The following GAREM1 variants were observed in gnomAD, a reference collection of about 807,000 sequenced individuals.
GAREM1 encodes the protein GRB2-associated and regulator of MAPK protein 1.
A neutral mutation model predicts 71.3 loss-of-function variants in GAREM1; 26 were observed. The observed-to-expected ratio is 0.36, with a 90% CI of 0.27 to 0.51. GAREM1 has a LOEUF of 0.51. GAREM1 is among the 20% of genes least tolerant of loss of function. The probability of loss-of-function intolerance (pLI) is 0.95; values close to 1 mark genes in which losing one functional copy is unlikely to be tolerated. For synonymous variants in GAREM1, 440 were observed against 433.2 expected (o/e 1.02, Z -0.20); for missense variants, 1,026 against 1,103.1 (o/e 0.93, Z 0.99).
At chr18:32,364,621 A>T (rs2047910982) in intron 2 of GAREM1, among the ~76,000 whole-genome samples, 1 of 152,170 alleles carries the variant, frequency 6.6e-6, no homozygotes, top group African/African-American at 2.4e-5. Context: ...ATTAAATTAA[A>T]TTTTTAAAAA....
At position 32,331,910 on chromosome 18, in the gene GAREM1, C is replaced by T. The variant is rs957369472; in HGVS notation, c.263-21587G>A. Among the ~76,000 whole-genome samples the T allele has an allele frequency of 4.6e-5, 7 of 151,946 alleles. 1 individual carries two copies. The South Asian group carries it at 6.3e-4, about 14-fold the overall frequency. On this transcript the variant is annotated intron_variant, in intron 2 of 5. Coordinates refer to ENST00000269209, the MANE Select transcript of GAREM1 (RefSeq NM_001242409.2). ...CAGAGCCATGGGTGGGAAGGACGCA[C>T]GGCAGGGACAGACTGACAGGGCTGG... is the stretch of plus-strand genomic sequence containing the variant.
At chr18:32,445,679 G>A (rs2048779693) in intron 1 of GAREM1, among the ~76,000 whole-genome samples, 1 of 152,106 alleles carries the variant, frequency 6.6e-6, no homozygotes, top group African/African-American at 2.4e-5. Context: ...AGTTCTATGT[G>A]TAAATATGAT....
chr18:32,446,098 A>C (rs1225449757), intron 1 of GAREM1, among the ~76,000 whole-genome samples: 1 of 152,192 alleles, frequency 6.6e-6, no homozygotes, highest in Non-Finnish European at 1.5e-5. Context: ...TGTGCAGCAG[A>C]AATCTCTAAT....
intron 3 of GAREM1, among the ~76,000 whole-genome samples, chr18:32,293,773 G>A (rs562914284): frequency 1.3e-5 from 2 of 152,230 alleles, no homozygotes; most frequent in African/African-American, 4.8e-5. Flanking sequence ...ACCTTGACCA[G>A]GTTATCAAAT....
At chr18:32,463,631 G>A (rs2048972293) in intron 1 of GAREM1, among the ~76,000 whole-genome samples, 1 of 143,200 alleles carries the variant, frequency 7.0e-6, no homozygotes, top group African/African-American at 2.6e-5. Flanking sequence ...GTGCAGTGAT[G>A]TGATCTCAGC....
intron 1 of GAREM1, among the ~76,000 whole-genome samples, chr18:32,408,372 A>T (rs1411084376): frequency 6.6e-6 from 1 of 152,182 alleles, no homozygotes; most frequent in African/African-American, 2.4e-5. Context: ...TTTGATTCTA[A>T]GTTATTGATA....
Position 32,287,561 on chromosome 18 carries a change from C to T in GAREM1, c.1036G>A (p.Val346Met), listed in dbSNP as rs1260971634. The T allele has an allele frequency of 1.9e-6, 3 of 1,614,214 alleles. No individual in the cohort carries two copies. The highest frequency in any genetic ancestry group is 1.7e-5 in the Admixed American group (1 of 60,032). Residue 346 changes from valine to methionine, a missense_variant, in exon 4 of 6, where the codon GTG becomes ATG. Val to Met is a conservative substitution (Grantham distance 21). Transcript: ENST00000269209. The surrounding 1 kb of genome is among the most constrained non-coding windows in gnomAD (Gnocchi z 5.9). ...IDEYSRAVRD[V>M]KTDWNEECKS... is the part of the protein sequence containing the mutation. ...CATTCTTCATTCCAGTCGGTTTTCACATCACGGACAGCCCGTGAATACTCA... is the reference window on the plus strand; with the variant it reads ...CATTCTTCATTCCAGTCGGTTTTCATATCACGGACAGCCCGTGAATACTCA...
chr18:32,314,813 TC>T (rs940125215), intron 2 of GAREM1, among the ~76,000 whole-genome samples: 35 of 151,992 alleles, frequency 2.3e-4, no homozygotes, highest in African/African-American at 8.2e-4. Context: ...GGTCTCAAAC[TC>T]CTGACCTCGT....
At chr18:32,298,829 T>C (rs1012584651) in intron 3 of GAREM1, among the ~76,000 whole-genome samples, 1 of 152,276 alleles carries the variant, frequency 6.6e-6, no homozygotes. Context: ...ATTAGTATTA[T>C]GTTATGTCTT....
chr18:32,443,875 T>C (rs572385750), intron 1 of GAREM1, among the ~76,000 whole-genome samples: 1 of 152,276 alleles, frequency 6.6e-6, no homozygotes, highest in South Asian at 2.1e-4. Flanking sequence ...TCCAAATGTC[T>C]ATCAACTGAT....
intron 2 of GAREM1, among the ~76,000 whole-genome samples, chr18:32,386,331 G>C (rs2048146882): frequency 6.6e-6 from 1 of 152,166 alleles, no homozygotes; most frequent in African/African-American, 2.4e-5. Context: ...TTGCCCAAGA[G>C]ACAAACACTG....
At chr18:32,402,243 G>A (rs1045767180) in intron 1 of GAREM1, among the ~76,000 whole-genome samples, 2 of 152,090 alleles carry the variant, frequency 1.3e-5, no homozygotes, top group Admixed American at 1.3e-4. Flanking sequence ...TCCAAAATAT[G>A]TAAATGCCAT....
intron 1 of GAREM1, among the ~76,000 whole-genome samples, chr18:32,447,635 T>C (rs1053140270): frequency 2.0e-5 from 3 of 152,186 alleles, no homozygotes; most frequent in Non-Finnish European, 4.4e-5. Flanking sequence ...AGGATTGGTA[T>C]AGATCTGGTC....
intron 1 of GAREM1, among the ~76,000 whole-genome samples, chr18:32,458,085 T>G (rs1458867): frequency 1.3e-5 from 2 of 152,126 alleles, no homozygotes; most frequent in Non-Finnish European, 2.9e-5. Flanking sequence ...CAACAGACTC[T>G]GAAGTTGTGT....
intron 2 of GAREM1, among the ~76,000 whole-genome samples, chr18:32,321,488 T>C (rs752714693): frequency 1.3e-5 from 2 of 152,274 alleles, no homozygotes; most frequent in South Asian, 2.1e-4. Context: ...CCTATGTAAG[T>C]TGACAATACA....
intron 3 of GAREM1, chr18:32,290,251 T>G (rs1390340025): frequency 6.6e-6 from 1 of 152,140 alleles, no homozygotes; most frequent in Non-Finnish European, 1.5e-5. Context: ...TGTGTCTTCA[T>G]CTTATATTTT....
chr18:32,363,257 C>A (rs188412343), intron 2 of GAREM1, among the ~76,000 whole-genome samples: 73 of 151,468 alleles, frequency 4.8e-4, no homozygotes, highest in African/African-American at 1.6e-3. Context: ...ACCTTTAAAA[C>A]ATGAATTATT....
rs968076951 is a variant in GAREM1, at chr18:32,265,095, A to T, written c.*2776T>A. ...TTTCTCCTTATTATCCCTGCTTTGC[A>T]TATCTTGTCATGATTCTCTTGGAGC... is the stretch of plus-strand genomic sequence containing the variant. On this transcript the variant is annotated 3_prime_UTR_variant, in exon 6 of 6. Transcript: ENST00000269209. The T allele has an allele frequency of 6.6e-6, 1 of 152,334 alleles. No individual in the cohort carries two copies. Among genetic ancestry groups the T allele is most frequent in the East Asian group, 1.9e-4 (1 of 5,180 alleles). 9.4% of individuals were successfully genotyped at this position (152,334 alleles called of 1,614,324 possible).
intron 2 of GAREM1, among the ~76,000 whole-genome samples, chr18:32,315,257 C>G (rs2047364473): frequency 6.6e-6 from 1 of 151,838 alleles, no homozygotes; most frequent in African/African-American, 2.4e-5. Context: ...GATATAGATA[C>G]ACTATAGTGC....
Sources: gnomAD v4.1 joint callset for allele counts (sites outside exome capture counted in the v4.1 genomes callset) on GRCh38, gnomAD v4.1.1 for gene constraint, Gnocchi (gnomAD v3.1) non-coding constraint, MANE v1.5 for transcripts, NCBI Gene and HGNC (gene_info 2026-07-23, HGNC 2026-07-21) for gene names.